FAM193A: variants seen among roughly 807,000 people sequenced by gnomAD.
The protein encoded by FAM193A is protein FAM193A.
FAM193A carries 22 observed loss-of-function variants against 126.5 expected under a neutral mutation model. The ratio of observed to expected loss-of-function variants is 0.17; its 90% CI spans 0.12 to 0.25. FAM193A has a LOEUF of 0.25. Among genes scored for constraint, FAM193A ranks in the 10% least tolerant of loss-of-function variants. FAM193A has a pLI of 1.00. For missense variants in FAM193A, 1,675 were observed against 1,672.8 expected (o/e 1.00, Z -0.02); for synonymous variants, 761 against 646.8 (o/e 1.18, Z -2.68).
intron 2 of FAM193A, among the ~76,000 whole-genome samples, chr4:2,598,413 A>G (rs1003731613): frequency 3.9e-5 from 6 of 152,332 alleles, no homozygotes; most frequent in Admixed American, 2.0e-4. Flanking sequence ...AAAAGCTGCT[A>G]TGAACATTAT....
rs769627283 is a variant in FAM193A at position 2,659,939 on chromosome 4, G to A, written c.1630G>A (p.Glu544Lys). ...GGATCCTGCTCCTGACTATCTTGCT[G>A]AGAGGAGCCCGCCCAGTGTGTCATC... The part of the protein sequence containing the change: ...QVDPAPDYLA[E>K]RSPPSVSSAS... The change falls in exon 10 of 21, where the codon GAG (glutamate) becomes AAG (lysine). Residue 544 changes from glutamate (E) to lysine (K), a missense_variant. Transcript: ENST00000637812. 32 of 1,614,010 alleles carry A rather than the reference G, an allele frequency of 2.0e-5. No homozygotes were observed. The highest frequency in any genetic ancestry group is 2.7e-5 in the Non-Finnish European group (32 of 1,180,040).
chr4:2,593,416 G>T lies in FAM193A; in HGVS notation c.256-2668G>T, dbSNP rs1740678932. Among the ~76,000 whole-genome samples the T allele has an allele frequency of 2.0e-5, 3 of 152,216 alleles. No individual in the cohort carries two copies. In the South Asian group the frequency reaches 6.2e-4, roughly 31 times the overall value. On this transcript the variant is annotated intron_variant, in intron 1 of 20. Coordinates refer to ENST00000637812, the MANE Select transcript of FAM193A (RefSeq NM_001366318.2). ...CTCCCCACAAGGTACAGCCATGTCGGCTTCGGGGGTCTCCTCAAGGAGGCC... is the reference window on the plus strand; with the variant it reads ...CTCCCCACAAGGTACAGCCATGTCGTCTTCGGGGGTCTCCTCAAGGAGGCC...
At chr4:2,554,144 G>C (rs1297892121) in intron 1 of FAM193A, among the ~76,000 whole-genome samples, 1 of 152,034 alleles carries the variant, frequency 6.6e-6, no homozygotes, top group African/African-American at 2.4e-5. Flanking sequence ...GAGTGCAGTG[G>C]CACGATCTCG....
chr4:2,708,166 C>T, intron 19 of FAM193A: 1 of 449,976 alleles, frequency 2.2e-6, no homozygotes, highest in Non-Finnish European at 4.5e-6. Flanking sequence ...GCTCTTGTTG[C>T]CCAGTCTGGG....
At chr4:2,699,441 C>CG (rs1717420979) in intron 18 of FAM193A, among the ~76,000 whole-genome samples, 2 of 83,822 alleles carry the variant, frequency 2.4e-5, no homozygotes, top group Non-Finnish European at 5.3e-5. Flanking sequence ...CTACCACCCC[C>CG]CCCCCCACAC....
intron 1 of FAM193A, among the ~76,000 whole-genome samples, chr4:2,587,800 A>G (rs1452598846): frequency 6.6e-6 from 1 of 152,222 alleles, no homozygotes; most frequent in African/African-American, 2.4e-5. Flanking sequence ...CAGTGAGAGA[A>G]GCTGGGGCAG....
intron 13 of FAM193A, 107 bp from the exon 14 acceptor site, chr4:2,689,399 G>A: frequency 1.3e-6 from 1 of 765,528 alleles, no homozygotes; most frequent in Non-Finnish European, 2.0e-6. Flanking sequence ...CTCATGGCGA[G>A]CACATCCCAT....
chr4:2,677,794 A>G (rs76267462), intron 13 of FAM193A, among the ~76,000 whole-genome samples: 3,906 of 151,828 alleles, frequency 0.026, 183 homozygotes, highest in African/African-American at 0.089. Flanking sequence ...GTGAGATTCT[A>G]TATGAATTTA....
chr4:2,732,150 G>C lies in FAM193A; in HGVS notation c.*282G>C, dbSNP rs1485290040. ...CACCACCGCGGCCTCGGAGGCCTGG[G>C]CCGTGGCCAGATAGGAGTTTGCATC... On this transcript the variant is annotated 3_prime_UTR_variant, in exon 21 of 21. Coordinates refer to ENST00000637812, the MANE Select transcript of FAM193A (RefSeq NM_001366318.2). 2.2e-6 allele frequency: 1 copy of C among 462,190 alleles called. No individual in the cohort carries two copies. The highest frequency in any genetic ancestry group is 4.2e-5 in the East Asian group (1 of 23,852). 28.6% of individuals were successfully genotyped at this position (462,190 alleles called of 1,614,324 possible). A position where few individuals can be genotyped will look rare whatever the true frequency, so the allele number is the denominator to read the frequency against.
Position 2,552,682 on chromosome 4 carries a change from C to T in FAM193A, c.255+15512C>T, listed in dbSNP as rs190486136. ...CCTCCTGAGTAGCTGGGACTACAGG[C>T]GCCCACCACCATTCCTGGCTAATTT... On this transcript the variant is annotated intron_variant, in intron 1 of 20. Coordinates refer to ENST00000637812, the MANE Select transcript of FAM193A (RefSeq NM_001366318.2). 2.2e-4 allele frequency among the ~76,000 whole-genome samples: 33 copies of T among 151,292 alleles called. No homozygotes were observed. In the East Asian group the frequency reaches 5.7e-3, roughly 26 times the overall value.
At chr4:2,672,059 G>A in intron 12 of FAM193A, 62 bp from the exon 13 acceptor site, 2 of 1,569,046 alleles carry the variant, frequency 1.3e-6, no homozygotes, top group Non-Finnish European at 1.7e-6. Flanking sequence ...GAATGTGACT[G>A]ACTTTAATTC....
intron 7 of FAM193A, chr4:2,654,378 A>ATTTTTTTTTTTTTTTTTTT (rs372926172): frequency 6.1e-5 from 7 of 114,590 alleles, no homozygotes; most frequent in African/African-American, 6.8e-5. Flanking sequence ...TGCCTGGCTA[A>ATTTTTTTTTTTTTTTTTTT]TTTTTTTTTT....
At chr4:2,548,418 C>CT (rs954222182) in intron 1 of FAM193A, among the ~76,000 whole-genome samples, 1 of 151,858 alleles carries the variant, frequency 6.6e-6, no homozygotes, top group African/African-American at 2.4e-5. Context: ...AATTCAAATC[C>CT]TTTGTCATAT....
chr4:2,696,632 G>C, intron 18 of FAM193A, 39 bp downstream of exon 18: 1 of 1,530,724 alleles, frequency 6.5e-7, no homozygotes, highest in Non-Finnish European at 9.0e-7. Context: ...CGCCAGGTCT[G>C]AGGGCATTTG....
chr4:2,658,340 G>A (rs1418078646), intron 8 of FAM193A, among the ~76,000 whole-genome samples: 2 of 152,064 alleles, frequency 1.3e-5, no homozygotes, highest in African/African-American at 4.8e-5. Flanking sequence ...CCTTCAACAT[G>A]GCAGCTGGCA....
At chr4:2,731,675 T>A in intron 20 of FAM193A, 100 bp from the exon 21 acceptor site, 1 of 840,550 alleles carries the variant, frequency 1.2e-6, no homozygotes, top group Non-Finnish European at 2.0e-6. Context: ...GACCCCGCAG[T>A]GAGTTTCTGG....
At chr4:2,630,821 T>C in intron 4 of FAM193A, 114 bp from the exon 5 acceptor site, 1 of 619,026 alleles carries the variant, frequency 1.6e-6, no homozygotes, top group Non-Finnish European at 2.9e-6. Flanking sequence ...AAGGTGACTG[T>C]GTGGTCATCT....
At chr4:2,556,549 G>A (rs1738273193) in intron 1 of FAM193A, among the ~76,000 whole-genome samples, 1 of 152,178 alleles carries the variant, frequency 6.6e-6, no homozygotes, top group African/African-American at 2.4e-5. Context: ...AGGTGTGGTA[G>A]TGTGCACCCA....
intron 1 of FAM193A, among the ~76,000 whole-genome samples, chr4:2,577,156 C>A (rs1560455320): frequency 9.4e-6 from 1 of 106,002 alleles, no homozygotes; most frequent in Admixed American, 1.2e-4. Context: ...GTTATTACTA[C>A]TTTTTTTCTT....
Sources: allele counts gnomAD v4.1 joint callset (sites outside exome capture counted in the v4.1 genomes callset), GRCh38; gene constraint gnomAD v4.1.1; transcripts MANE v1.5; gene names NCBI Gene and HGNC (gene_info 2026-07-23, HGNC 2026-07-21).